Variants in ARL15 observed in about 807,000 individuals in gnomAD.
ARL15 encodes ARF like GTPase 15.
In ARL15, 19 loss-of-function variants were observed where a neutral mutation model predicts 25.2. The ratio of observed to expected loss-of-function variants is 0.75; its 90% confidence interval spans 0.53 to 1.10. The LOEUF (loss-of-function observed/expected upper bound fraction) is 1.10, where lower values mean the gene tolerates loss of function less well. Among genes scored for constraint, ARL15 ranks in the 50% least tolerant of loss-of-function variants. The pLI is 0.00. For missense variants in ARL15, 220 were observed against 246.0 expected (o/e 0.89, Z 0.71); for synonymous variants, 94 against 86.8 (o/e 1.08, Z -0.46).
At position 54,138,001 on chromosome 5, in the gene ARL15, G is replaced by A. The variant is rs368770040; in HGVS notation, c.253+16579C>T. 1.3e-4 allele frequency among the ~76,000 whole-genome samples: 20 copies of A among 152,112 alleles called. No homozygotes were observed. In the East Asian group the frequency reaches 3.1e-3, roughly 24 times the overall value. ...GCCTTAGAAATGGTCTGGAAAATACGCAGCCAAATCAAATAACTTAATATG... is the reference window on the plus strand; with the variant it reads ...GCCTTAGAAATGGTCTGGAAAATACACAGCCAAATCAAATAACTTAATATG... On this transcript the variant is annotated intron_variant, in intron 3 of 4. Transcript: ENST00000504924.
At chr5:53,917,938 A>G (rs1031152687) in intron 4 of ARL15, among the ~76,000 whole-genome samples, 1 of 152,214 alleles carries the variant, frequency 6.6e-6, no homozygotes, top group East Asian at 1.9e-4. Context: ...GTGCTTACAC[A>G]TATTTCATAT....
chr5:54,088,235 G>A (rs1188728664), intron 4 of ARL15, among the ~76,000 whole-genome samples: 1 of 152,134 alleles, frequency 6.6e-6, no homozygotes, highest in Non-Finnish European at 1.5e-5. Flanking sequence ...GAATTGTCAG[G>A]ACAAAGATAT....
chr5:54,036,807 T>G (rs1439433032), intron 4 of ARL15, among the ~76,000 whole-genome samples: 1 of 152,180 alleles, frequency 6.6e-6, no homozygotes, highest in African/African-American at 2.4e-5. Flanking sequence ...ATAGATTTAG[T>G]GTTTTGTTTC....
At chr5:54,045,570 A>T (rs77958888) in intron 4 of ARL15, among the ~76,000 whole-genome samples, 94 of 151,300 alleles carry the variant, frequency 6.2e-4, no homozygotes, top group African/African-American at 2.2e-3. Flanking sequence ...CATTTACCTT[A>T]GAGCAAACAA....
At chr5:54,198,985 T>C (rs1349007991) in intron 1 of ARL15, among the ~76,000 whole-genome samples, 1 of 151,562 alleles carries the variant, frequency 6.6e-6, no homozygotes, top group East Asian at 1.9e-4. Context: ...CCCTCAGAAA[T>C]AATGCCACAT....
chr5:53,977,249 C>CG (rs1361623803), intron 4 of ARL15, among the ~76,000 whole-genome samples: 1 of 149,520 alleles, frequency 6.7e-6, no homozygotes, highest in Non-Finnish European at 1.5e-5. Flanking sequence ...CCCAGCTACT[C>CG]GGAGGCTGAG....
At chr5:53,955,782 C>T (rs1360887403) in intron 4 of ARL15, among the ~76,000 whole-genome samples, 3 of 152,138 alleles carry the variant, frequency 2.0e-5, no homozygotes, top group East Asian at 3.8e-4. Flanking sequence ...GGGACCCTGG[C>T]GCCTGGTTCT....
At chr5:54,107,305 A>AGCCAAACTACATC (rs1192543774) in intron 4 of ARL15, among the ~76,000 whole-genome samples, 2 of 152,198 alleles carry the variant, frequency 1.3e-5, no homozygotes, top group Non-Finnish European at 2.9e-5. Context: ...GTAGGGGCAC[A>AGCCAAACTACATC]GCCAAACTAC....
chr5:54,232,315 T>A (rs1326743913), intron 1 of ARL15, among the ~76,000 whole-genome samples: 2 of 152,098 alleles, frequency 1.3e-5, no homozygotes, highest in Non-Finnish European at 2.9e-5. Context: ...AACCCTAACA[T>A]AACCCAAGAG....
chr5:54,237,427 G>A (rs1367196458), intron 1 of ARL15, among the ~76,000 whole-genome samples: 2 of 152,104 alleles, frequency 1.3e-5, no homozygotes, highest in South Asian at 4.1e-4. Flanking sequence ...GAAGTACCCT[G>A]AAGTATTAGA....
intron 4 of ARL15, among the ~76,000 whole-genome samples, chr5:54,030,174 C>T (rs1053892714): frequency 2.6e-5 from 4 of 151,744 alleles, no homozygotes; most frequent in African/African-American, 7.3e-5. Context: ...CACCCTGTTT[C>T]AAAAAAGGAC....
chr5:53,926,368 AG>A (rs1262812214), intron 4 of ARL15, among the ~76,000 whole-genome samples: 1 of 151,712 alleles, frequency 6.6e-6, no homozygotes, highest in Non-Finnish European at 1.5e-5. Context: ...AGGGCTGTCT[AG>A]TGGGAAGATG....
intron 4 of ARL15, among the ~76,000 whole-genome samples, chr5:54,108,100 T>A (rs1752641279): frequency 6.6e-6 from 1 of 152,164 alleles, no homozygotes; most frequent in East Asian, 1.9e-4. Context: ...TAAAAGTTGC[T>A]CTTCAAAATA....
At chr5:54,131,063 T>A (rs1347354942) in intron 3 of ARL15, among the ~76,000 whole-genome samples, 2 of 152,312 alleles carry the variant, frequency 1.3e-5, no homozygotes, top group East Asian at 3.9e-4. Flanking sequence ...CCTGTAGCCC[T>A]TGGGGTGTCC....
At chr5:54,115,532 G>A (rs1380224367) in intron 3 of ARL15, among the ~76,000 whole-genome samples, 1 of 152,056 alleles carries the variant, frequency 6.6e-6, no homozygotes, top group East Asian at 1.9e-4. Flanking sequence ...CAGGTACTAA[G>A]TGTTTTAAAA....
chr5:53,988,957 G>C (rs1424904262), intron 4 of ARL15, among the ~76,000 whole-genome samples: 1 of 152,184 alleles, frequency 6.6e-6, no homozygotes. Context: ...TGAACACCAG[G>C]TGACCTTGGG....
In ARL15 at chr5:54,116,819, C is replaced by T. The variant is rs148437224; in HGVS notation, c.254-3409G>A. Among the ~76,000 whole-genome samples the T allele has an allele frequency of 2.9e-3, 438 of 152,198 alleles. 2 individuals carry two copies. The highest frequency in any genetic ancestry group is 0.01 in the African/African-American group (416 of 41,510). On this transcript the variant is annotated intron_variant, in intron 3 of 4. Coordinates refer to ENST00000504924, the MANE Select transcript of ARL15 (RefSeq NM_019087.3). ...TATGTAACTTGCCCAAGGTTACACA[C>T]CTAATAAATATATTTAGGTCTAATG...
intron 4 of ARL15, among the ~76,000 whole-genome samples, chr5:54,045,105 A>C (rs941014098): frequency 6.6e-6 from 1 of 152,192 alleles, no homozygotes; most frequent in Non-Finnish European, 1.5e-5. Flanking sequence ...GAAACAGTCG[A>C]AATGTGGTTC....
chr5:54,218,984 T>C (rs1327715713), intron 1 of ARL15, among the ~76,000 whole-genome samples: 1 of 99,256 alleles, frequency 1.0e-5, no homozygotes, highest in African/African-American at 3.3e-5. Flanking sequence ...CTGCTACTGC[T>C]GTTTTTTTTT....
Sources: gnomAD v4.1 joint callset for allele counts (sites outside exome capture counted in the v4.1 genomes callset) on GRCh38, gnomAD v4.1.1 for gene constraint, MANE v1.5 for transcripts, NCBI Gene and HGNC (gene_info 2026-07-23, HGNC 2026-07-21) for gene names.